Variants in HLTF observed in about 807,000 individuals in gnomAD.
HLTF encodes DNA-dependent ATPase/E3 ubiquitin-protein ligase HLTF.
A neutral mutation model predicts 129.4 loss-of-function variants in HLTF; 127 were observed. That is an observed-to-expected ratio of 0.98 (90% CI 0.85 to 1.14). HLTF has a LOEUF of 1.14. Ranked by LOEUF, HLTF falls within the 50% of genes most tolerant of loss-of-function variation. The probability of loss-of-function intolerance (pLI) is 0.00; values close to 1 mark genes in which losing one functional copy is unlikely to be tolerated. For missense variants in HLTF, 1,139 were observed against 1,187.1 expected (o/e 0.96, Z 0.60); for synonymous variants, 332 against 388.8 (o/e 0.85, Z 1.72).
At chr3:149,043,317 A>C (rs1559858547) in intron 18 of HLTF, among the ~76,000 whole-genome samples, 1 of 151,828 alleles carries the variant, frequency 6.6e-6, no homozygotes, top group Non-Finnish European at 1.5e-5. Flanking sequence ...GACTGAGAAA[A>C]TCAAAATTAA....
At chr3:149,033,097 A>C (rs1433340922) in intron 24 of HLTF, among the ~76,000 whole-genome samples, 1 of 152,114 alleles carries the variant, frequency 6.6e-6, no homozygotes, top group Non-Finnish European at 1.5e-5. Flanking sequence ...AAAATACCCC[A>C]ACTAGGAATG....
chr3:149,057,647 G>A (rs1315478070), intron 13 of HLTF, among the ~76,000 whole-genome samples: 1 of 152,078 alleles, frequency 6.6e-6, no homozygotes, highest in Non-Finnish European at 1.5e-5. Context: ...GTCATTCTCT[G>A]TCTCTCAAAA....
Position 149,086,482 on chromosome 3 carries a change from A to G in HLTF, c.-146T>C. Reference sequence around the variant, plus strand: ...ATCAGGAGCGCACGACTGAAAGGTAAGTCGCCGCGAGTCCAGTCAGACGTC... The same window carrying G: ...ATCAGGAGCGCACGACTGAAAGGTAGGTCGCCGCGAGTCCAGTCAGACGTC... On this transcript the variant is annotated 5_prime_UTR_variant, in exon 1 of 25. Transcript: ENST00000310053. 1.2e-6 allele frequency: 1 copy of G among 803,110 alleles called. No homozygotes were observed. Among genetic ancestry groups the G allele is most frequent in the Non-Finnish European group, 2.0e-6 (1 of 499,776 alleles). The allele number at this position is 803,110 out of a possible 1,614,324, so 49.7% of individuals were successfully genotyped here. A position where few individuals can be genotyped will look rare whatever the true frequency, so the allele number is the denominator to read the frequency against.
chr3:149,036,086 G>C (rs1245159040), intron 23 of HLTF, among the ~76,000 whole-genome samples: 1 of 151,462 alleles, frequency 6.6e-6, no homozygotes, highest in African/African-American at 2.4e-5. Context: ...AGTGAGCCGA[G>C]ATCGCGCCAC....
At chr3:149,077,343 A>G (rs775905420) in intron 2 of HLTF, among the ~76,000 whole-genome samples, 26 of 152,074 alleles carry the variant, frequency 1.7e-4, no homozygotes, top group Non-Finnish European at 2.8e-4. Flanking sequence ...TCACCAGAAA[A>G]AAAGAGAATG....
chr3:149,086,418 C>T lies in HLTF; in HGVS notation c.-82G>A. Reference sequence around the variant, plus strand: ...CGCCTCGATACGCCTCCTTCCAGGCCCCGCAGCCCTGAAGCCGGGGACAAA... The same window carrying T: ...CGCCTCGATACGCCTCCTTCCAGGCTCCGCAGCCCTGAAGCCGGGGACAAA... On this transcript the variant is annotated 5_prime_UTR_variant, in exon 1 of 25. Transcript: ENST00000310053. 6.7e-7 allele frequency: 1 copy of T among 1,482,550 alleles called. No homozygotes were observed. The highest frequency in any genetic ancestry group is 9.2e-7 in the Non-Finnish European group (1 of 1,086,692). The allele number at this position is 1,482,550 out of a possible 1,614,324, so 91.8% of individuals were successfully genotyped here.
Position 149,039,607 on chromosome 3 carries a change from G to A in HLTF, c.2589C>T (p.Phe863=). Residue 863 remains phenylalanine, a synonymous_variant, in exon 22 of 25, where the codon TTC becomes TTT. Transcript: ENST00000310053. ...TAAGTGGTATTTCTATTAAAGACAG[G>A]AATGTTGTAAACTGAGAAACAACCA... The part of the protein sequence containing the change: ...KSLVVSQFTT[F]LSLIEIPLKA... 1.3e-6 allele frequency: 2 copies of A among 1,574,550 alleles called. No homozygotes were observed. The highest frequency in any genetic ancestry group is 1.7e-6 in the Non-Finnish European group (2 of 1,150,576).
chr3:149,073,105 T>C (rs570091828), intron 5 of HLTF, 120 bp downstream of exon 5: 13 of 496,428 alleles, frequency 2.6e-5, no homozygotes, highest in African/African-American at 2.6e-4. Flanking sequence ...TGTTTCATTA[T>C]AACTTAATAT....
chr3:149,081,282 A>G (rs1234011082), intron 2 of HLTF, among the ~76,000 whole-genome samples: 3 of 151,678 alleles, frequency 2.0e-5, no homozygotes, highest in African/African-American at 7.2e-5. Flanking sequence ...AAAAAAACAA[A>G]AAATAAAAAT....
chr3:149,086,458 T>A lies in HLTF; in HGVS notation c.-122A>T, dbSNP rs150540969. The A allele has an allele frequency of 1.3e-4, 152 of 1,156,618 alleles. 1 individual carries two copies. The East Asian group carries it at 3.9e-3, about 29-fold the overall frequency. The allele number at this position is 1,156,618 out of a possible 1,614,324, so 71.6% of individuals were successfully genotyped here. On this transcript the variant is annotated 5_prime_UTR_variant, in exon 1 of 25. Coordinates refer to ENST00000310053, the MANE Select transcript of HLTF (RefSeq NM_003071.4). ...CCGGGGACAAATTCCGAGCGCCGGATCAGGAGCGCACGACTGAAAGGTAAG... is the reference window on the plus strand; with the variant it reads ...CCGGGGACAAATTCCGAGCGCCGGAACAGGAGCGCACGACTGAAAGGTAAG...
At chr3:149,039,499 TTAAG>T (rs1715933653) in intron 22 of HLTF, 78 bp downstream of exon 22, 2 of 737,132 alleles carry the variant, frequency 2.7e-6, no homozygotes, top group East Asian at 2.9e-5. Flanking sequence ...GCAAAACAAA[TTAAG>T]TTTTTTTTTT....
At chr3:149,037,166 A>G (rs1471355632) in intron 23 of HLTF, among the ~76,000 whole-genome samples, 2 of 152,124 alleles carry the variant, frequency 1.3e-5, no homozygotes, top group African/African-American at 2.4e-5. Flanking sequence ...CCACAGTACA[A>G]AGGCAAGAAA....
intron 24 of HLTF, among the ~76,000 whole-genome samples, chr3:149,032,736 G>T (rs931912032): frequency 6.6e-6 from 1 of 152,136 alleles, no homozygotes; most frequent in African/African-American, 2.4e-5. Context: ...GCCGAGGCGG[G>T]CAGATCATGA....
chr3:149,040,022 G>A lies in HLTF; in HGVS notation c.2502+9C>T, dbSNP rs1559855872. Reference sequence around the variant, plus strand: ...CAAATACTCAAATATTTGCACATGAGTACTTTACCTTTGAACTGGATGTCC... The same window carrying A: ...CAAATACTCAAATATTTGCACATGAATACTTTACCTTTGAACTGGATGTCC... On this transcript the variant is annotated intron_variant, in intron 21 of 24. Transcript: ENST00000310053. The A allele has an allele frequency of 4.4e-6, 7 of 1,606,194 alleles. No homozygotes were observed. The highest frequency in any genetic ancestry group is 1.1e-5 in the South Asian group (1 of 89,810).
chr3:149,066,588 A>AGG, intron 8 of HLTF, among the ~76,000 whole-genome samples: 1 of 151,872 alleles, frequency 6.6e-6, no homozygotes, highest in Non-Finnish European at 1.5e-5. Context: ...CTGCCATTTC[A>AGG]ATTAATGTAG....
At chr3:149,050,892 G>A (rs538469854) in intron 14 of HLTF, among the ~76,000 whole-genome samples, 1 of 151,966 alleles carries the variant, frequency 6.6e-6, no homozygotes, top group Non-Finnish European at 1.5e-5. Context: ...ACTTTCTTGA[G>A]GACATGATCA....
chr3:149,072,383 T>C (rs1394849974), intron 5 of HLTF, among the ~76,000 whole-genome samples: 1 of 152,248 alleles, frequency 6.6e-6, no homozygotes, highest in African/African-American at 2.4e-5. Flanking sequence ...CTATCAGTTG[T>C]ATTCAAAATA....
At chr3:149,084,245 A>C (rs1406524768) in intron 2 of HLTF, among the ~76,000 whole-genome samples, 1 of 152,228 alleles carries the variant, frequency 6.6e-6, no homozygotes, top group Non-Finnish European at 1.5e-5. Flanking sequence ...AATACAGGAG[A>C]AAAACAAATC....
intron 13 of HLTF, 103 bp downstream of exon 13, chr3:149,059,615 T>G: frequency 1.5e-6 from 1 of 682,674 alleles, no homozygotes; most frequent in Non-Finnish European, 2.5e-6. Context: ...AGTCTCTATT[T>G]TCTAAACTTC....
Sources: allele counts gnomAD v4.1 joint callset (sites outside exome capture counted in the v4.1 genomes callset), GRCh38; gene constraint gnomAD v4.1.1; transcripts MANE v1.5; gene names NCBI Gene and HGNC (gene_info 2026-07-23, HGNC 2026-07-21).